The following PRELID1 variants were observed in gnomAD, a reference collection of about 807,000 sequenced individuals.
The protein encoded by PRELID1 is PRELI domain containing 1.
A neutral mutation model predicts 29.0 loss-of-function variants in PRELID1; 15 were observed. The ratio of observed to expected loss-of-function variants is 0.52; its 90% CI spans 0.35 to 0.80. PRELID1 has a LOEUF of 0.80. Among genes scored for constraint, PRELID1 ranks in the 30% least tolerant of loss-of-function variants. The pLI is 0.01. For missense variants in PRELID1, 187 were observed against 275.9 expected, an observed-to-expected ratio of 0.68 and a Z score of 2.28; for synonymous variants, 79 against 106.5, an observed-to-expected ratio of 0.74 and a Z score of 1.59.
Position 177,306,652 on chromosome 5 carries a change from T to C in PRELID1, c.*82T>C. 6.6e-7 allele frequency: 1 copy of C among 1,524,018 alleles called. No homozygotes were observed. Among genetic ancestry groups the C allele is most frequent in the Non-Finnish European group, 8.9e-7 (1 of 1,129,094 alleles). 94.4% of individuals were successfully genotyped at this position (1,524,018 alleles called of 1,614,324 possible). A position where few individuals can be genotyped will look rare whatever the true frequency, so the allele number is the denominator to read the frequency against. On this transcript the variant is annotated 3_prime_UTR_variant, in exon 5 of 5. Coordinates refer to ENST00000303204, the MANE Select transcript of PRELID1 (RefSeq NM_013237.4). ...CTTCATTGTACTTTATCATTAAAAA[T>C]CAACTTCCAGCCCTGTCTGCTGTCT...
In PRELID1 at chr5:177,304,720, C is replaced by T. The variant is rs1760810632; in HGVS notation, c.188C>T (p.Pro63Leu). ...CTCCTGACCAAGACCAACAGGATGC[C>T]ACGCTGGGCCGAGCGACTATTTCCT... is the stretch of plus-strand genomic sequence containing the variant. ...RRLLTKTNRM[P>L]RWAERLFPAN... is the part of the protein sequence containing the mutation. The change falls in exon 2 of 5, where the codon CCA becomes CTA. Residue 63 changes from proline (P) to leucine (L), a missense_variant. Transcript: ENST00000303204. 2 of 1,613,896 alleles carry T rather than the reference C, an allele frequency of 1.2e-6. No homozygotes were observed. The highest frequency in any genetic ancestry group is 3.3e-5 in the Admixed American group (2 of 59,996).
intron 4 of PRELID1, 36 bp downstream of exon 4, chr5:177,306,212 A>G (rs1484375072): frequency 6.3e-7 from 1 of 1,596,270 alleles, no homozygotes; most frequent in East Asian, 2.2e-5. Context: ...CCTCATAGGG[A>G]GAGGCTCATT....
intron 1 of PRELID1, chr5:177,304,322 G>A: frequency 1.7e-6 from 1 of 597,662 alleles, no homozygotes; most frequent in Non-Finnish European, 3.0e-6. Context: ...GCGGCAGTAT[G>A]GGAGTTGGGA....
At chr5:177,305,137 CTA>C (rs557295996) in intron 2 of PRELID1, among the ~76,000 whole-genome samples, 22 of 152,014 alleles carry the variant, frequency 1.4e-4, no homozygotes, top group African/African-American at 5.3e-4. Flanking sequence ...CATCTGGCAT[CTA>C]TGGCACAGAT....
Position 177,306,358 on chromosome 5 carries a change from G to A in PRELID1, c.512-64G>A, listed in dbSNP as rs1302114222. On this transcript the variant is annotated intron_variant, in intron 4 of 4. Transcript: ENST00000303204. ...GGCCCAGAGGAGATTGGTGTCATGG[G>A]GGAGGGAAATTAGGTTGGTCTTTCA... 5 of 1,609,584 alleles carry A rather than the reference G, an allele frequency of 3.1e-6. No individual in the cohort carries two copies. The Admixed American group carries it at 6.7e-5, about 22-fold the overall frequency.
Position 177,304,027 on chromosome 5 carries a change from C to G in PRELID1, c.42C>G (p.Ser14=), listed in dbSNP as rs1225106658. ...YFLGQSVLRS[S]WDQVFAAFWQ... ...TGGGCCAGAGCGTGCTCCGGAGTTC[C>G]TGGGACCAAGTGTTCGCCGCCTTCT... Residue 14 remains serine, a synonymous_variant, in exon 1 of 5, where the codon TCC becomes TCG. Coordinates refer to ENST00000303204, the MANE Select transcript of PRELID1 (RefSeq NM_013237.4). 6.2e-7 allele frequency: 1 copy of G among 1,612,076 alleles called. No individual in the cohort carries two copies. The highest frequency in any genetic ancestry group is 8.5e-7 in the Non-Finnish European group (1 of 1,179,974).
In PRELID1 at chr5:177,306,448, G is replaced by T; in HGVS notation, c.538G>T (p.Glu180Ter). The T allele has an allele frequency of 1.2e-6, 2 of 1,614,036 alleles. No individual in the cohort carries two copies. The highest frequency in any genetic ancestry group is 1.7e-6 in the Non-Finnish European group (2 of 1,179,996). The change falls in exon 5 of 5, where the codon GAG becomes TAG. Residue 180 changes from glutamate (E) to a stop codon, truncating the protein, a stop_gained. Coordinates refer to ENST00000303204, the MANE Select transcript of PRELID1 (RefSeq NM_013237.4). LOFTEE classifies it high-confidence loss of function. ...CGAGGCCCCTTCCAAAACACTTGTT[G>T]AGACAGCCAAGGAAGCCAAGGAGAA... The part of the protein sequence containing the change: ...QGEAPSKTLV[E>*]TAKEAKEKAK...
Position 177,306,462 on chromosome 5 carries a change from A to C in PRELID1, c.552A>C (p.Glu184Asp). The change falls in exon 5 of 5, where the codon GAA (glutamate) becomes GAC (aspartate). Residue 184 changes from glutamate (E) to aspartate (D), a missense_variant. Transcript: ENST00000303204. The part of the protein sequence containing the change: ...PSKTLVETAK[E>D]AKEKAKETAL... ...AAACACTTGTTGAGACAGCCAAGGA[A>C]GCCAAGGAGAAGGCAAAGGAGACGG... 2 of 1,614,092 alleles carry C rather than the reference A, an allele frequency of 1.2e-6. No individual in the cohort carries two copies. The highest frequency in any genetic ancestry group is 1.7e-6 in the Non-Finnish European group (2 of 1,180,000).
chr5:177,304,219 C>G, intron 1 of PRELID1, 142 bp downstream of exon 1: 1 of 801,944 alleles, frequency 1.2e-6, no homozygotes, highest in South Asian at 1.6e-5. Context: ...CAGGCCAGGC[C>G]TGCAAGGTCC....
chr5:177,304,843 G>A lies in PRELID1; in HGVS notation c.311G>A (p.Arg104Gln), dbSNP rs1376391910. The A allele has an allele frequency of 4.3e-6, 7 of 1,609,224 alleles. No individual in the cohort carries two copies. Among genetic ancestry groups the A allele is most frequent in the Non-Finnish European group, 5.1e-6 (6 of 1,177,062 alleles). The change falls in exon 2 of 5, where the codon CGG becomes CAG. Residue 104 changes from arginine (R) to glutamine (Q), a missense_variant. Physicochemically the swap from Arg to Gln is conservative, Grantham distance 43. Coordinates refer to ENST00000303204, the MANE Select transcript of PRELID1 (RefSeq NM_013237.4). ...TTCACCTGGAACATCAACCACGCCCGGCTGATGGTGAGACACCTCCTGTTG... is the reference window on the plus strand; with the variant it reads ...TTCACCTGGAACATCAACCACGCCCAGCTGATGGTGAGACACCTCCTGTTG... ...TTFTWNINHA[R>Q]LMVVEERCVY...
chr5:177,306,314 C>A, intron 4 of PRELID1, 108 bp from the exon 5 acceptor site: 1 of 1,583,102 alleles, frequency 6.3e-7, no homozygotes, highest in South Asian at 1.1e-5. Context: ...GGGTGAATAC[C>A]ACCTTTTTAG....
At position 177,303,834 on chromosome 5, in the gene PRELID1, G is replaced by A; in HGVS notation, c.-152G>A. On this transcript the variant is annotated 5_prime_UTR_variant, in exon 1 of 5. Coordinates refer to ENST00000303204, the MANE Select transcript of PRELID1 (RefSeq NM_013237.4). The surrounding 1 kb of genome is among the most constrained non-coding windows in gnomAD (Gnocchi z 6.1). Reference sequence around the variant, plus strand: ...ACAACTCATGGCGGCGGCGGCGGCGGCGGCAGCTGCTTGGGCGCGGTGCGG... The same window carrying A: ...ACAACTCATGGCGGCGGCGGCGGCGACGGCAGCTGCTTGGGCGCGGTGCGG... 2.0e-6 allele frequency: 1 copy of A among 505,244 alleles called. No homozygotes were observed. The highest frequency in any genetic ancestry group is 3.2e-6 in the Non-Finnish European group (1 of 313,484). The allele number at this position is 505,244 out of a possible 1,614,324, so 31.3% of individuals were successfully genotyped here. A position where few individuals can be genotyped will look rare whatever the true frequency, so the allele number is the denominator to read the frequency against.
chr5:177,306,380 T>C (rs1436510178), intron 4 of PRELID1, 42 bp from the exon 5 acceptor site: 2 of 1,613,084 alleles, frequency 1.2e-6, no homozygotes, highest in African/African-American at 1.3e-5. Context: ...AGGTTGGTCT[T>C]TCAGGCATCT....
chr5:177,306,372 G>C (rs760442893), intron 4 of PRELID1, 50 bp from the exon 5 acceptor site: 6 of 1,612,298 alleles, frequency 3.7e-6, no homozygotes, highest in Non-Finnish European at 5.1e-6. Flanking sequence ...GGGAAATTAG[G>C]TTGGTCTTTC....
chr5:177,305,954 T>G lies in PRELID1; in HGVS notation c.402T>G (p.Ser134=), dbSNP rs779930452. 1.2e-6 allele frequency: 2 copies of G among 1,614,174 alleles called. No individual in the cohort carries two copies. The highest frequency in any genetic ancestry group is 2.2e-5 in the South Asian group (2 of 91,080). The part of the protein sequence containing the change: ...TEIRREAWVS[S]SLFGVSRAVQ... ...TCCGCCGGGAAGCCTGGGTCTCCTC[T>G]AGCTTATTTGGTGTCTCCAGAGCTG... The change falls in exon 3 of 5, where the codon TCT becomes TCG. Residue 134 remains serine (S), a synonymous_variant. Transcript: ENST00000303204.
In PRELID1 at chr5:177,305,193, GCTTTT is replaced by G. The variant is rs199962423; in HGVS notation, c.318+349_318+353del. On this transcript the variant is annotated intron_variant, in intron 2 of 4. Transcript: ENST00000303204. ...AGTGATGCTGAGTGGCGGAGGCAGT[GCTTTT>G]CTTTTTTTTTTTTCTGTTTTTTGTT... 2.6e-3 allele frequency among the ~76,000 whole-genome samples: 394 copies of G among 151,914 alleles called. 1 individual carries two copies. The highest frequency in any genetic ancestry group is 9.1e-3 in the African/African-American group (375 of 41,432).
intron 1 of PRELID1, 108 bp downstream of exon 1, chr5:177,304,185 G>C (rs1167839580): frequency 9.1e-7 from 1 of 1,093,646 alleles, no homozygotes; most frequent in South Asian, 1.4e-5. Flanking sequence ...TCGAATCCTA[G>C]GTAGACCTTA....
At position 177,306,408 on chromosome 5, in the gene PRELID1, G is replaced by A; in HGVS notation, c.512-14G>A. 1.2e-6 allele frequency: 2 copies of A among 1,614,004 alleles called. No homozygotes were observed. Among genetic ancestry groups the A allele is most frequent in the Non-Finnish European group, 8.5e-7 (1 of 1,179,994 alleles). Reference sequence around the variant, plus strand: ...AGGCATCTTCTAAAGGCAGCCACCTGCCGTTCGCGACAGGCGAGGCCCCTT... The same window carrying A: ...AGGCATCTTCTAAAGGCAGCCACCTACCGTTCGCGACAGGCGAGGCCCCTT... On this transcript the variant is annotated splice_polypyrimidine_tract_variant and intron_variant, in intron 4 of 4. Transcript: ENST00000303204.
chr5:177,303,923 C>A lies in PRELID1; in HGVS notation c.-63C>A, dbSNP rs1760784846. The A allele has an allele frequency of 6.2e-6, 9 of 1,461,868 alleles. No individual in the cohort carries two copies. The South Asian group carries it at 9.4e-5, about 15-fold the overall frequency. 90.6% of individuals were successfully genotyped at this position (1,461,868 alleles called of 1,614,324 possible). On this transcript the variant is annotated 5_prime_UTR_variant, in exon 1 of 5. Transcript: ENST00000303204. This position sits in a 1 kb window ranked among gnomAD's most constrained non-coding sequence, Gnocchi z 6.1. Reference sequence around the variant, plus strand: ...GAGCCCCGGCCCGGCCCGGCCCTCGCGTGCCTCCCAGGCTCCGCACCCCTG... The same window carrying A: ...GAGCCCCGGCCCGGCCCGGCCCTCGAGTGCCTCCCAGGCTCCGCACCCCTG...
Sources: allele counts gnomAD v4.1 joint callset (sites outside exome capture counted in the v4.1 genomes callset), GRCh38; gene constraint gnomAD v4.1.1; non-coding constraint Gnocchi (gnomAD v3.1); transcripts MANE v1.5; gene names NCBI Gene and HGNC (gene_info 2026-07-23, HGNC 2026-07-21).